The following RADX variants were observed in gnomAD, a reference collection of about 807,000 sequenced individuals.
RADX encodes RPA-related protein RADX.
Under a neutral mutation model 61.6 loss-of-function variants are expected in RADX, and 36 were observed. The observed-to-expected ratio is 0.58, with a 90% CI of 0.45 to 0.77. The LOEUF (loss-of-function observed/expected upper bound fraction) is 0.77, where lower values mean the gene tolerates loss of function less well. RADX is among the 30% of genes least tolerant of loss of function. RADX has a pLI of 0.00. For synonymous variants in RADX, 272 were observed against 237.9 expected (o/e 1.14, Z -1.32); for missense variants, 497 against 651.1 (o/e 0.76, Z 2.58).
At chrX:106,673,879 A>G (rs1373682180) in intron 13 of RADX, among the ~76,000 whole-genome samples, 1 of 110,954 alleles carries the variant, frequency 9.0e-6, no homozygotes, top group Non-Finnish European at 1.9e-5. Flanking sequence ...GCTGGTTTCA[A>G]TGCTCCATCC....
chrX:106,638,090 T>A, intron 8 of RADX, 166 bp downstream of exon 8: 1 of 424,996 alleles, frequency 2.4e-6, no homozygotes, highest in Non-Finnish European at 4.1e-6. Flanking sequence ...AAAATATATG[T>A]CACGTATTTT....
intron 11 of RADX, among the ~76,000 whole-genome samples, chrX:106,657,217 C>T (rs1927962590): frequency 8.9e-6 from 1 of 112,228 alleles, no homozygotes; most frequent in South Asian, 3.7e-4. Flanking sequence ...CCAATCTCTG[C>T]TAGCTTCCAA....
chrX:106,671,802 T>C (rs927628497), intron 13 of RADX, among the ~76,000 whole-genome samples: 3 of 103,514 alleles, frequency 2.9e-5, no homozygotes, highest in African/African-American at 1.3e-4. Context: ...ATTTATATGT[T>C]TTTTCTTTCT....
chrX:106,653,760 C>A (rs1331491117), intron 11 of RADX, among the ~76,000 whole-genome samples: 1 of 110,642 alleles, frequency 9.0e-6, no homozygotes, highest in Admixed American at 9.7e-5. Flanking sequence ...TTGTTCAACT[C>A]CCACTTGTTA....
At chrX:106,623,300 C>T (rs1402349842) in intron 2 of RADX, among the ~76,000 whole-genome samples, 1 of 111,537 alleles carries the variant, frequency 9.0e-6, no homozygotes, top group Admixed American at 9.6e-5. Flanking sequence ...ATTGTCAAAT[C>T]TGTGTGATAC....
chrX:106,653,896 A>G (rs1428295877), intron 11 of RADX, among the ~76,000 whole-genome samples: 1 of 111,743 alleles, frequency 8.9e-6, no homozygotes, highest in African/African-American at 3.3e-5. Flanking sequence ...ATAGTATTCC[A>G]TGGTGTATAT....
intron 11 of RADX, among the ~76,000 whole-genome samples, chrX:106,657,415 T>C (rs1927968628): frequency 8.9e-6 from 1 of 112,399 alleles, no homozygotes. Flanking sequence ...ATCATTCATG[T>C]GTTCACTAGA....
rs1169101901 is a variant in RADX at position 106,678,878 on chromosome X, A to C, written c.*620A>C. ...TGACTTTGTGTGGTTCGAATTTCTC[A>C]GTATTTTAACCAGTGTGTTGATGTT... On this transcript the variant is annotated 3_prime_UTR_variant, in exon 14 of 14. Transcript: ENST00000372548. The C allele has an allele frequency of 3.6e-5, 4 of 112,330 alleles. No homozygotes were observed. In the Admixed American group the frequency reaches 3.8e-4, roughly 11 times the overall value. The allele number at this position is 112,330 out of a possible 1,213,427, so 9.3% of individuals were successfully genotyped here.
chrX:106,643,859 T>A (rs1927590126), intron 10 of RADX, among the ~76,000 whole-genome samples: 1 of 111,706 alleles, frequency 9.0e-6, no homozygotes. Context: ...ATATGTAGAT[T>A]GCTTTGGGCA....
In RADX at chrX:106,678,187, A is replaced by G; in HGVS notation, c.2497A>G (p.Ile833Val). ...DRVHIVGILD[I>V]CNLGNNKVEV... ...AGTGCATATCGTCGGTATCTTGGATATCTGTAATTTGGGTAATAATAAAGT... is the reference window on the plus strand; with the variant it reads ...AGTGCATATCGTCGGTATCTTGGATGTCTGTAATTTGGGTAATAATAAAGT... The change falls in exon 14 of 14, where the codon ATC becomes GTC. Residue 833 changes from isoleucine to valine, a missense_variant. Ile to Val is a conservative substitution (Grantham distance 29). Transcript: ENST00000372548. The G allele has an allele frequency of 8.6e-7, 1 of 1,165,180 alleles. No homozygotes were observed. The highest frequency in any genetic ancestry group is 1.2e-6 in the Non-Finnish European group (1 of 853,315).
chrX:106,648,468 C>A, intron 11 of RADX, 82 bp downstream of exon 11: 2 of 622,445 alleles, frequency 3.2e-6, no homozygotes, highest in Middle Eastern at 3.5e-4. Flanking sequence ...TTACTAAGCA[C>A]AAGTAATACA....
chrX:106,631,789 A>C (rs1927231027), intron 3 of RADX, among the ~76,000 whole-genome samples: 1 of 102,808 alleles, frequency 9.7e-6, no homozygotes, highest in Non-Finnish European at 1.9e-5. Flanking sequence ...AGAAGAAAAG[A>C]AAGAGAAAGA....
chrX:106,625,734 C>A (rs1927060955), intron 3 of RADX, among the ~76,000 whole-genome samples: 1 of 110,884 alleles, frequency 9.0e-6, no homozygotes, highest in African/African-American at 3.3e-5. Flanking sequence ...CTAGCATTTA[C>A]CTTTGCTTTA....
chrX:106,662,947 G>A (rs1928140760), intron 12 of RADX, among the ~76,000 whole-genome samples: 1 of 107,811 alleles, frequency 9.3e-6, no homozygotes, highest in Non-Finnish European at 1.9e-5. Context: ...GTTTCGGAAA[G>A]ATGAAAAATT....
intron 11 of RADX, among the ~76,000 whole-genome samples, chrX:106,659,210 G>A (rs1192238762): frequency 9.0e-6 from 1 of 111,495 alleles, no homozygotes; most frequent in Non-Finnish European, 1.9e-5. Flanking sequence ...TGAACTCCCG[G>A]CCTCAAGCAG....
chrX:106,644,181 T>C (rs1927599000), intron 10 of RADX, among the ~76,000 whole-genome samples: 1 of 111,715 alleles, frequency 9.0e-6, no homozygotes, highest in African/African-American at 3.2e-5. Context: ...TGTGGAGTCT[T>C]TAAGTTTTTC....
intron 11 of RADX, among the ~76,000 whole-genome samples, chrX:106,652,218 C>T (rs1274727583): frequency 9.0e-6 from 1 of 111,143 alleles, no homozygotes; most frequent in African/African-American, 3.3e-5. Context: ...GAAGCTGAGG[C>T]AGGAGGATCA....
intron 12 of RADX, among the ~76,000 whole-genome samples, chrX:106,663,555 T>C (rs957756124): frequency 2.7e-5 from 3 of 111,966 alleles, no homozygotes; most frequent in East Asian, 5.6e-4. Flanking sequence ...CCTACAATTT[T>C]GTAGCAGAAT....
intron 13 of RADX, among the ~76,000 whole-genome samples, chrX:106,676,255 T>A (rs963330436): frequency 4.4e-5 from 5 of 112,576 alleles, no homozygotes; most frequent in Non-Finnish European, 9.4e-5. Flanking sequence ...TATACAATTT[T>A]AAATCATTAA....
Sources: allele counts gnomAD v4.1 joint callset (sites outside exome capture counted in the v4.1 genomes callset), GRCh38; gene constraint gnomAD v4.1.1; transcripts MANE v1.5; gene names NCBI Gene and HGNC (gene_info 2026-07-23, HGNC 2026-07-21).